TBC1D16: variants seen among roughly 807,000 people sequenced by gnomAD.
The protein encoded by TBC1D16 is TBC1 domain family member 16, also known as CTD-2529O21.1.
A neutral mutation model predicts 74.7 loss-of-function variants in TBC1D16; 58 were observed. The ratio of observed to expected loss-of-function variants is 0.78; its 90% CI spans 0.63 to 0.97. TBC1D16 has a LOEUF of 0.97. TBC1D16 is among the 50% of genes least tolerant of loss of function. The pLI is 0.00. For synonymous variants in TBC1D16, 493 were observed against 474.7 expected (o/e 1.04, Z -0.50); for missense variants, 1,014 against 1,079.5 (o/e 0.94, Z 0.85).
intron 1 of TBC1D16, among the ~76,000 whole-genome samples, chr17:80,022,226 G>C (rs2036310549): frequency 6.7e-6 from 1 of 150,026 alleles, no homozygotes; most frequent in Non-Finnish European, 1.5e-5. Context: ...AGTTCATTGA[G>C]TGTTTATGTT....
Position 79,987,624 on chromosome 17 carries a change from G to T in TBC1D16, c.779+22536C>A, listed in dbSNP as rs1383990555. Among the ~76,000 whole-genome samples, 1 of 152,164 alleles carries T rather than the reference G, an allele frequency of 6.6e-6. No individual in the cohort carries two copies. Among genetic ancestry groups the T allele is most frequent in the Non-Finnish European group, 1.5e-5 (1 of 68,024 alleles). ...CATGACTCTTTCCGAATGAAGGTGGGGATGGGGGTAGGGAATGTCCCCATG... is the reference window on the plus strand; with the variant it reads ...CATGACTCTTTCCGAATGAAGGTGGTGATGGGGGTAGGGAATGTCCCCATG... On this transcript the variant is annotated intron_variant, in intron 3 of 11. Transcript: ENST00000310924. This position sits in a 1 kb window ranked among gnomAD's most constrained non-coding sequence, Gnocchi z 5.2.
At chr17:80,014,553 A>G (rs146591137) in intron 1 of TBC1D16, among the ~76,000 whole-genome samples, 2,004 of 152,266 alleles carry the variant, frequency 0.013, 20 homozygotes, top group South Asian at 0.042. Flanking sequence ...ACACCCAACA[A>G]ACCAGCAAAA....
intron 3 of TBC1D16, among the ~76,000 whole-genome samples, chr17:79,998,544 GT>G (rs2035364436): frequency 6.8e-6 from 1 of 147,426 alleles, no homozygotes; most frequent in African/African-American, 2.5e-5. Context: ...TAGAGACAAG[GT>G]TTCACCATGT....
At chr17:79,948,824 G>A (rs1472176048) in intron 8 of TBC1D16, 48 bp downstream of exon 8, 2 of 1,612,426 alleles carry the variant, frequency 1.2e-6, no homozygotes, top group African/African-American at 1.3e-5. Flanking sequence ...GGTCAGGTGA[G>A]GCTTGCAGAC....
intron 3 of TBC1D16, among the ~76,000 whole-genome samples, chr17:80,002,769 TCTG>T (rs1307663361): frequency 3.9e-5 from 6 of 152,234 alleles, no homozygotes; most frequent in Non-Finnish European, 8.8e-5. Flanking sequence ...CTTGGCCACA[TCTG>T]CTGCATTTCT....
At chr17:79,959,139 T>A (rs764100183) in intron 3 of TBC1D16, among the ~76,000 whole-genome samples, 4 of 152,222 alleles carry the variant, frequency 2.6e-5, no homozygotes, top group Non-Finnish European at 4.4e-5. Flanking sequence ...AAACATTAAA[T>A]TTATAGTAGC....
chr17:79,949,638 T>C (rs1225350147), intron 7 of TBC1D16, 79 bp downstream of exon 7: 14 of 1,520,872 alleles, frequency 9.2e-6, no homozygotes, highest in Middle Eastern at 2.3e-4. Flanking sequence ...CAATGCTGAA[T>C]TGCACCTCAA....
chr17:80,023,446 C>A (rs2036354552), intron 1 of TBC1D16, among the ~76,000 whole-genome samples: 2 of 150,056 alleles, frequency 1.3e-5, no homozygotes, highest in Non-Finnish European at 1.5e-5. Flanking sequence ...GAGCCCAGGG[C>A]AAGCTCGTCA....
At chr17:80,020,660 G>A (rs1313178814) in intron 1 of TBC1D16, among the ~76,000 whole-genome samples, 1 of 149,960 alleles carries the variant, frequency 6.7e-6, no homozygotes, top group Non-Finnish European at 1.5e-5. Context: ...GCCATTGCTA[G>A]GCATCTGGCT....
At position 79,941,914 on chromosome 17, in the gene TBC1D16, A is replaced by C; in HGVS notation, c.2055+146T>G. 8 of 637,660 alleles carry C rather than the reference A, an allele frequency of 1.3e-5. No homozygotes were observed. Among genetic ancestry groups the C allele is most frequent in the East Asian group, 2.9e-5 (1 of 34,348 alleles). 39.5% of individuals were successfully genotyped at this position (637,660 alleles called of 1,614,324 possible). The stretch of plus-strand genomic sequence containing the variant: ...GAGCCCCCAGTGCTATGGGTGGGGG[A>C]GGGCACGTGCTGGGGGGCCATGGTG... On this transcript the variant is annotated intron_variant, in intron 11 of 11. Coordinates refer to ENST00000310924, the MANE Select transcript of TBC1D16 (RefSeq NM_019020.4). The surrounding 1 kb of genome is among the most constrained non-coding windows in gnomAD (Gnocchi z 4.3).
chr17:79,999,569 G>T (rs2035407294), intron 3 of TBC1D16, among the ~76,000 whole-genome samples: 1 of 111,056 alleles, frequency 9.0e-6, no homozygotes, highest in African/African-American at 3.5e-5. Context: ...TTGAGATGGA[G>T]TCTCACTCTG....
intron 1 of TBC1D16, among the ~76,000 whole-genome samples, chr17:80,025,119 A>ACCAT (rs1240816819): frequency 1.5e-4 from 3 of 20,294 alleles, no homozygotes; most frequent in Non-Finnish European, 3.4e-4. Flanking sequence ...CAAACACCAC[A>ACCAT]GACACACACA....
At chr17:80,031,098 T>A (rs1319294933) in intron 1 of TBC1D16, among the ~76,000 whole-genome samples, 1 of 152,190 alleles carries the variant, frequency 6.6e-6, no homozygotes, top group Non-Finnish European at 1.5e-5. Context: ...CCCATCTTCC[T>A]GGGAACCCCT....
At chr17:80,022,571 T>C (rs1029727853) in intron 1 of TBC1D16, among the ~76,000 whole-genome samples, 3 of 149,510 alleles carry the variant, frequency 2.0e-5, no homozygotes, top group Non-Finnish European at 4.4e-5. Flanking sequence ...ACTCCTGCCC[T>C]CAGGTGATCC....
At chr17:80,025,695 G>A (rs2036561413) in intron 1 of TBC1D16, 1 of 143,712 alleles carries the variant, frequency 7.0e-6, no homozygotes, top group African/African-American at 2.8e-5. Flanking sequence ...CTAATGGCCA[G>A]GAGCTTGCCC....
rs528329004 is a variant in TBC1D16, at chr17:80,000,371, A to G, written c.779+9789T>C. 2.6e-5 allele frequency among the ~76,000 whole-genome samples: 4 copies of G among 152,332 alleles called. No homozygotes were observed. The highest frequency in any genetic ancestry group is 7.2e-5 in the African/African-American group (3 of 41,574). On this transcript the variant is annotated intron_variant, in intron 3 of 11. Transcript: ENST00000310924. The surrounding 1 kb of genome is among the most constrained non-coding windows in gnomAD (Gnocchi z 4.1). ...TCCGTATGAGAAGAAGAGAGGGCACACAAAGGGACACACCCTGTCCATGTG... is the reference window on the plus strand; with the variant it reads ...TCCGTATGAGAAGAAGAGAGGGCACGCAAAGGGACACACCCTGTCCATGTG...
chr17:79,975,594 A>G lies in TBC1D16; in HGVS notation c.780-22776T>C, dbSNP rs1409526821. Among the ~76,000 whole-genome samples, 2 of 152,114 alleles carry G rather than the reference A, an allele frequency of 1.3e-5. No homozygotes were observed. The highest frequency in any genetic ancestry group is 4.8e-5 in the African/African-American group (2 of 41,430). On this transcript the variant is annotated intron_variant, in intron 3 of 11. Transcript: ENST00000310924. The surrounding 1 kb of genome is among the most constrained non-coding windows in gnomAD (Gnocchi z 4.5). ...ATCAACGAGTGACAGAGGGTTGGGG[A>G]CTGGGGGGGTCGTGCATGAAGACAG... is the stretch of plus-strand genomic sequence containing the variant.
In TBC1D16 at chr17:79,939,984, T is replaced by C. The variant is rs532991937; in HGVS notation, c.*875A>G. 6.6e-6 allele frequency: 1 copy of C among 152,292 alleles called. No homozygotes were observed. 9.4% of individuals were successfully genotyped at this position (152,292 alleles called of 1,614,324 possible). ...AAACACGCACGCACGTGTGCATGCA[T>C]GCATGCACGCAGGGACACACGCACA... On this transcript the variant is annotated 3_prime_UTR_variant, in exon 12 of 12. Coordinates refer to ENST00000310924, the MANE Select transcript of TBC1D16 (RefSeq NM_019020.4).
rs1195320476 is a variant in TBC1D16, at chr17:79,941,626, G to C, written c.2055+434C>G. On this transcript the variant is annotated intron_variant, in intron 11 of 11. Coordinates refer to ENST00000310924, the MANE Select transcript of TBC1D16 (RefSeq NM_019020.4). The surrounding 1 kb of genome is among the most constrained non-coding windows in gnomAD (Gnocchi z 4.3). ...CGGGCAGCATCTCCAGGAGGCGTCT[G>C]GGAAGTGGGGGAGGGGGCCAAAGCC... Among the ~76,000 whole-genome samples, 5 of 152,222 alleles carry C rather than the reference G, an allele frequency of 3.3e-5. No homozygotes were observed. The highest frequency in any genetic ancestry group is 1.2e-4 in the African/African-American group (5 of 41,466).
Sources: allele counts gnomAD v4.1 joint callset (sites outside exome capture counted in the v4.1 genomes callset), GRCh38; gene constraint gnomAD v4.1.1; non-coding constraint Gnocchi (gnomAD v3.1); transcripts MANE v1.5; gene names NCBI Gene and HGNC (gene_info 2026-07-23, HGNC 2026-07-21).